Variants in SETX observed in about 807,000 individuals in gnomAD.
SETX encodes the protein senataxin.
A neutral mutation model predicts 227.2 loss-of-function variants in SETX; 90 were observed. The ratio of observed to expected loss-of-function variants is 0.40; its 90% CI spans 0.33 to 0.47. The LOEUF (loss-of-function observed/expected upper bound fraction) is 0.47, where lower values mean the gene tolerates loss of function less well. Ranked by LOEUF, SETX falls within the 20% of genes least tolerant of loss-of-function variation. The pLI is 0.91. For missense variants in SETX, 3,052 were observed against 3,181.5 expected, an observed-to-expected ratio of 0.96 and a Z score of 0.98; for synonymous variants, 1,210 against 1,113.2, an observed-to-expected ratio of 1.09 and a Z score of -1.73.
In SETX at chr9:132,277,972, C is replaced by T. The variant is rs35537391; in HGVS notation, c.6842+98G>A. ...AATTATTAACCCTTCATGATTTATG[C>T]TTTTTATGACAAGACCTAAGACGAC... On this transcript the variant is annotated intron_variant, in intron 21 of 25. Coordinates refer to ENST00000224140, the MANE Select transcript of SETX (RefSeq NM_015046.7). 0.016 allele frequency: 18,914 copies of T among 1,185,078 alleles called. 207 individuals are homozygous for T. The highest frequency in any genetic ancestry group is 0.019 in the Non-Finnish European group (15,394 of 802,524). 73.4% of individuals were successfully genotyped at this position (1,185,078 alleles called of 1,614,324 possible). A position where few individuals can be genotyped will look rare whatever the true frequency, so the allele number is the denominator to read the frequency against.
At chr9:132,290,362 G>C (rs1305076193) in intron 15 of SETX, among the ~76,000 whole-genome samples, 1 of 151,624 alleles carries the variant, frequency 6.6e-6, no homozygotes, top group East Asian at 1.9e-4. Context: ...GGATCACGAG[G>C]TCAGGGGTTT....
intron 10 of SETX, among the ~76,000 whole-genome samples, chr9:132,314,118 GT>G (rs1278904925): frequency 6.6e-6 from 1 of 151,944 alleles, no homozygotes. Flanking sequence ...TGGAGACAGA[GT>G]TTCGGTCTTG....
rs752629731 is a variant in SETX, at chr9:132,329,954, C to G, written c.1644G>C (p.Gln548His). 3.7e-6 allele frequency: 6 copies of G among 1,614,194 alleles called. No individual in the cohort carries two copies. The highest frequency in any genetic ancestry group is 1.7e-5 in the Admixed American group (1 of 60,028). Reference sequence around the variant, plus strand: ...GCTTGCAAAGAGACTGCTGCCCAAGCTGATAACCTTCTTTAAGGAGACTTC... The same window carrying G: ...GCTTGCAAAGAGACTGCTGCCCAAGGTGATAACCTTCTTTAAGGAGACTTC... ...LIRSLLKEGYQLGQQSLCKRF... is the reference protein window; with the variant it reads ...LIRSLLKEGYHLGQQSLCKRF... Residue 548 changes from glutamine to histidine, a missense_variant, in exon 10 of 26, where the codon CAG becomes CAC. Coordinates refer to ENST00000224140, the MANE Select transcript of SETX (RefSeq NM_015046.7).
At chr9:132,350,103 A>G (rs910718157) in intron 2 of SETX, among the ~76,000 whole-genome samples, 1 of 149,124 alleles carries the variant, frequency 6.7e-6, no homozygotes, top group Non-Finnish European at 1.5e-5. Context: ...CTGTAAGCCC[A>G]GCACTTTGGG....
intron 10 of SETX, among the ~76,000 whole-genome samples, chr9:132,324,120 T>C (rs957967900): frequency 3.9e-5 from 6 of 152,008 alleles, no homozygotes; most frequent in African/African-American, 1.5e-4. Context: ...CTGAAGGAAA[T>C]AAATCTTAAT....
At chr9:132,268,116 A>C (rs1470925543) in intron 25 of SETX, among the ~76,000 whole-genome samples, 1 of 152,270 alleles carries the variant, frequency 6.6e-6, no homozygotes. Flanking sequence ...TCACGTTTTA[A>C]CACTCAGATG....
intron 25 of SETX, among the ~76,000 whole-genome samples, chr9:132,267,469 A>G (rs895070131): frequency 6.6e-6 from 1 of 152,264 alleles, no homozygotes; most frequent in Non-Finnish European, 1.5e-5. Flanking sequence ...TTGGTTTCTC[A>G]GAGGAAATCA....
chr9:132,311,419 GAA>G (rs879941661), intron 11 of SETX, among the ~76,000 whole-genome samples: 2 of 152,148 alleles, frequency 1.3e-5, no homozygotes, highest in Non-Finnish European at 2.9e-5. Context: ...ATCATGAAAT[GAA>G]AAGACAGATG....
intron 11 of SETX, among the ~76,000 whole-genome samples, chr9:132,309,181 T>A (rs560295257): frequency 6.6e-6 from 1 of 152,196 alleles, no homozygotes; most frequent in Non-Finnish European, 1.5e-5. Context: ...GAGGACTTGC[T>A]CTGTGAGTTA....
intron 5 of SETX, among the ~76,000 whole-genome samples, chr9:132,337,079 T>C (rs1056791481): frequency 3.3e-5 from 5 of 151,974 alleles, no homozygotes; most frequent in East Asian, 3.9e-4. Flanking sequence ...AAAATATATA[T>C]ATAATAATAT....
At chr9:132,345,752 C>T (rs946663013) in intron 4 of SETX, among the ~76,000 whole-genome samples, 1 of 152,164 alleles carries the variant, frequency 6.6e-6, no homozygotes, top group African/African-American at 2.4e-5. Flanking sequence ...CATAGTGGCT[C>T]GTGCCTATAA....
intron 16 of SETX, 36 bp from the exon 17 acceptor site, chr9:132,288,387 T>G: frequency 3.9e-6 from 6 of 1,523,222 alleles, no homozygotes; most frequent in Non-Finnish European, 5.4e-6. Flanking sequence ...TATATGCTAT[T>G]CTAATTCTAA....
rs1258090075 is a variant in SETX, at chr9:132,300,752, T to C, written c.5426A>G (p.Asp1809Gly). Residue 1809 changes from aspartate (D) to glycine (G), a missense_variant, in exon 12 of 26, where the codon GAT (aspartate) becomes GGT (glycine). Coordinates refer to ENST00000224140, the MANE Select transcript of SETX (RefSeq NM_015046.7). ...TCTCTCAGGAGCTAAAAACACCAAATCGTTTTCCTTTGGATAAAGCTGTTT... is the reference window on the plus strand; with the variant it reads ...TCTCTCAGGAGCTAAAAACACCAAACCGTTTTCCTTTGGATAAAGCTGTTT... ...LAKQLYPKEN[D>G]LVFLAPERIN... The C allele has an allele frequency of 1.2e-6, 2 of 1,613,620 alleles. No individual in the cohort carries two copies. The highest frequency in any genetic ancestry group is 1.1e-5 in the South Asian group (1 of 91,070).
At chr9:132,323,982 G>A (rs1261059330) in intron 10 of SETX, among the ~76,000 whole-genome samples, 1 of 152,128 alleles carries the variant, frequency 6.6e-6, no homozygotes, top group Non-Finnish European at 1.5e-5. Flanking sequence ...TTACTTGAGG[G>A]GATGAGGGGT....
Position 132,331,405 on chromosome 9 carries a change from C to G in SETX, c.882G>C (p.Met294Ile). ...DPFWPALHCF[M>I]VILDRLGSKV... ...TAGATCCAAGGCGATCCAGAATCAC[C>G]ATAAAACAGTGTAACGCTGGCCAGA... Residue 294 changes from methionine to isoleucine, a missense_variant, in exon 8 of 26, where the codon ATG (methionine) becomes ATC (isoleucine). Transcript: ENST00000224140. 6.2e-7 allele frequency: 1 copy of G among 1,614,014 alleles called. No homozygotes were observed. The highest frequency in any genetic ancestry group is 8.5e-7 in the Non-Finnish European group (1 of 1,179,980).
At position 132,297,014 on chromosome 9, in the gene SETX, G is replaced by A; in HGVS notation, c.5822C>T (p.Ala1941Val). The change falls in exon 14 of 26, where the codon GCA becomes GTA. Residue 1941 changes from alanine to valine, a missense_variant. Around this residue, in one of 10 missense-constraint regions of SETX, gnomAD observed 239 missense variants for 272.1 expected, o/e 0.88. Coordinates refer to ENST00000224140, the MANE Select transcript of SETX (RefSeq NM_015046.7). ...CACCATAGCATATGCAGTTTCTATTGCTTTCTTTTGATCTTCATTGAAATC... is the reference window on the plus strand; with the variant it reads ...CACCATAGCATATGCAGTTTCTATTACTTTCTTTTGATCTTCATTGAAATC... ...LRDFNEDQKK[A>V]IETAYAMVKH... 8.1e-6 allele frequency: 13 copies of A among 1,613,726 alleles called. No homozygotes were observed. The highest frequency in any genetic ancestry group is 1.1e-5 in the Non-Finnish European group (13 of 1,179,802).
intron 10 of SETX, among the ~76,000 whole-genome samples, chr9:132,314,496 T>C (rs758196297): frequency 7.2e-5 from 11 of 152,206 alleles, no homozygotes; most frequent in Non-Finnish European, 1.2e-4. Flanking sequence ...AGTGCTGGGA[T>C]TACAGATGTG....
chr9:132,268,601 A>T (rs921017784), intron 25 of SETX, among the ~76,000 whole-genome samples: 4 of 152,242 alleles, frequency 2.6e-5, no homozygotes, highest in Non-Finnish European at 4.4e-5. Flanking sequence ...CTTAGCCTAA[A>T]CAAGCAGGAA....
At chr9:132,300,592 ATC>A (rs1564507274) in intron 12 of SETX, 36 bp downstream of exon 12, 1 of 1,592,626 alleles carries the variant, frequency 6.3e-7, no homozygotes, top group Non-Finnish European at 8.6e-7. Context: ...ATGAGACTGT[ATC>A]TGACATTTCC....
Sources: gnomAD v4.1 joint callset for allele counts (sites outside exome capture counted in the v4.1 genomes callset) on GRCh38, gnomAD v4.1.1 for gene constraint, gnomAD v4.1.1 regional missense constraint, MANE v1.5 for transcripts, NCBI Gene and HGNC (gene_info 2026-07-23, HGNC 2026-07-21) for gene names.